DIS3L2: variants seen among roughly 807,000 people sequenced by gnomAD.
DIS3L2 encodes DIS3-like exonuclease 2.
A neutral mutation model predicts 97.5 loss-of-function variants in DIS3L2; 34 were observed. The ratio of observed to expected loss-of-function variants is 0.35; its 90% CI spans 0.27 to 0.46. The LOEUF is 0.46. Among genes scored for constraint, DIS3L2 ranks in the 20% least tolerant of loss-of-function variants. The probability of loss-of-function intolerance (pLI) is 1.00; values close to 1 mark genes in which losing one functional copy is unlikely to be tolerated. For synonymous variants in DIS3L2, 435 were observed against 445.2 expected (o/e 0.98, Z 0.29); for missense variants, 1,038 against 1,146.0 (o/e 0.91, Z 1.36).
Position 232,136,728 on chromosome 2 carries a change from T to A in DIS3L2, c.950+9T>A, listed in dbSNP as rs2106355685. 6.2e-7 allele frequency: 1 copy of A among 1,612,060 alleles called. No homozygotes were observed. The highest frequency in any genetic ancestry group is 1.1e-5 in the South Asian group (1 of 90,974). On this transcript the variant is annotated intron_variant, in intron 8 of 20. Coordinates refer to ENST00000325385, the MANE Select transcript of DIS3L2 (RefSeq NM_152383.5). ...TGCAATTTTGCCCTGGGGTAGGTGATCTCTGGTAGGAAAAACCACAGGTCA... is the reference window on the plus strand; with the variant it reads ...TGCAATTTTGCCCTGGGGTAGGTGAACTCTGGTAGGAAAAACCACAGGTCA...
intron 6 of DIS3L2, among the ~76,000 whole-genome samples, chr2:232,089,198 A>G (rs1294300274): frequency 1.3e-5 from 2 of 152,200 alleles, no homozygotes; most frequent in Non-Finnish European, 2.9e-5. Flanking sequence ...TTTTGGTGCC[A>G]AGTACTCATT....
chr2:232,336,660 C>A lies in DIS3L2; in HGVS notation c.*30C>A. On this transcript the variant is annotated 3_prime_UTR_variant, in exon 21 of 21. Transcript: ENST00000325385. ...CACCAGCCGCCTGCCCCGCCTGCCC[C>A]GCCTGCCTGTCCCGCCACACTGGCT... is the stretch of plus-strand genomic sequence containing the variant. 6.5e-7 allele frequency: 1 copy of A among 1,548,806 alleles called. No homozygotes were observed.
intron 8 of DIS3L2, among the ~76,000 whole-genome samples, chr2:232,145,513 T>A (rs1008190863): frequency 6.6e-6 from 1 of 152,208 alleles, no homozygotes; most frequent in Non-Finnish European, 1.5e-5. Context: ...CTTTTTCTTA[T>A]CTTGAATTGG....
rs566097694 is a variant in DIS3L2 at position 232,268,301 on chromosome 2, C to A, written c.1659+4861C>A. On this transcript the variant is annotated intron_variant, in intron 13 of 20. Transcript: ENST00000325385. The surrounding 1 kb of genome is among the most constrained non-coding windows in gnomAD (Gnocchi z 4.1). ...GCAATTTTGAAACCCAAACTGCAGGCAGTTTCTTTGAGTGGACTTGATTGT... is the reference window on the plus strand; with the variant it reads ...GCAATTTTGAAACCCAAACTGCAGGAAGTTTCTTTGAGTGGACTTGATTGT... Among the ~76,000 whole-genome samples the A allele has an allele frequency of 1.3e-4, 20 of 152,314 alleles. No individual in the cohort carries two copies. In the East Asian group the frequency reaches 3.9e-3, roughly 29 times the overall value.
chr2:232,145,488 G>A (rs1690193198), intron 8 of DIS3L2, among the ~76,000 whole-genome samples: 1 of 152,116 alleles, frequency 6.6e-6, no homozygotes. Flanking sequence ...ATTCTAATCT[G>A]TATGACTTTT....
At chr2:231,974,722 C>G (rs1693028871) in intron 1 of DIS3L2, among the ~76,000 whole-genome samples, 1 of 151,878 alleles carries the variant, frequency 6.6e-6, no homozygotes. Flanking sequence ...ATCAATAATG[C>G]TTATATTTCT....
At chr2:232,204,354 G>T (rs1691972321) in intron 9 of DIS3L2, among the ~76,000 whole-genome samples, 1 of 152,196 alleles carries the variant, frequency 6.6e-6, no homozygotes, top group Admixed American at 6.5e-5. Context: ...TCTTGGCGAG[G>T]TTTTAAGGGA....
At chr2:232,145,557 C>A (rs556460610) in intron 8 of DIS3L2, among the ~76,000 whole-genome samples, 1 of 152,168 alleles carries the variant, frequency 6.6e-6, no homozygotes, top group African/African-American at 2.4e-5. Context: ...ATTTCCCACA[C>A]AGTAACTGAT....
intron 5 of DIS3L2, among the ~76,000 whole-genome samples, chr2:232,056,710 A>G (rs1474424111): frequency 6.6e-6 from 1 of 152,222 alleles, no homozygotes; most frequent in East Asian, 1.9e-4. Context: ...GGAAACACAA[A>G]TCAAAACCAT....
exon 14 of DIS3L2, chr2:232,343,666 G>T: frequency 6.5e-6 from 9 of 1,377,844 alleles, no homozygotes; most frequent in Non-Finnish European, 8.9e-6. Flanking sequence ...CTTCTAAAAG[G>T]TCCAGTAGAA....
chr2:231,962,909 A>G (rs184834089), intron 1 of DIS3L2, among the ~76,000 whole-genome samples: 453 of 152,194 alleles, frequency 3.0e-3, no homozygotes, highest in Non-Finnish European at 3.2e-3. Flanking sequence ...TGTAAAGGAC[A>G]TGATATCTTC....
chr2:232,133,066 GCCTCTTTATCCTT>G (rs1698263527), intron 7 of DIS3L2, among the ~76,000 whole-genome samples: 1 of 152,156 alleles, frequency 6.6e-6, no homozygotes. Flanking sequence ...GGTCCAGGAA[GCCTCTTTATCCTT>G]GTGGGCCAGA....
intron 10 of DIS3L2, among the ~76,000 whole-genome samples, chr2:232,234,969 G>A (rs1291370719): frequency 6.6e-6 from 1 of 152,242 alleles, no homozygotes; most frequent in Non-Finnish European, 1.5e-5. Flanking sequence ...GACACTGTGG[G>A]GAAGTGGCTG....
chr2:232,222,831 C>G (rs1382745111), intron 10 of DIS3L2, among the ~76,000 whole-genome samples: 1 of 152,270 alleles, frequency 6.6e-6, no homozygotes, highest in East Asian at 1.9e-4. Context: ...TACCTTGACT[C>G]AAAAAATCCA....
At chr2:232,125,867 A>G (rs1173920064) in intron 6 of DIS3L2, among the ~76,000 whole-genome samples, 3 of 152,206 alleles carry the variant, frequency 2.0e-5, no homozygotes, top group African/African-American at 4.8e-5. Flanking sequence ...TTTCATTTCT[A>G]CATTTCACTG....
chr2:232,120,902 G>C (rs1480148164), intron 6 of DIS3L2, among the ~76,000 whole-genome samples: 1 of 152,030 alleles, frequency 6.6e-6, no homozygotes, highest in Non-Finnish European at 1.5e-5. Flanking sequence ...TTCCTGTCCA[G>C]GGACCCCTCC....
At chr2:232,249,208 A>G (rs1166698990) in intron 11 of DIS3L2, 31 bp from the exon 12 acceptor site, 4 of 1,609,316 alleles carry the variant, frequency 2.5e-6, no homozygotes, top group Admixed American at 3.3e-5. Flanking sequence ...GGTTGGAGAA[A>G]GGTGCTCATG....
intron 13 of DIS3L2, among the ~76,000 whole-genome samples, chr2:232,297,108 T>C (rs4973517): frequency 0.22 from 33,142 of 152,154 alleles, 4,458 homozygotes; most frequent in South Asian, 0.47. Flanking sequence ...CCAACGCCAC[T>C]GCACCTCCGT....
intron 8 of DIS3L2, among the ~76,000 whole-genome samples, chr2:232,159,458 A>T (rs11680172): frequency 6.6e-6 from 1 of 152,178 alleles, no homozygotes; most frequent in South Asian, 2.1e-4. Context: ...CACACAGTGT[A>T]CTGGATTTTG....
Sources: gnomAD v4.1 joint callset for allele counts (sites outside exome capture counted in the v4.1 genomes callset) on GRCh38, gnomAD v4.1.1 for gene constraint, Gnocchi (gnomAD v3.1) non-coding constraint, MANE v1.5 for transcripts, NCBI Gene and HGNC (gene_info 2026-07-23, HGNC 2026-07-21) for gene names.